GLT1D1: variants seen among roughly 807,000 people sequenced by gnomAD.
The protein encoded by GLT1D1 is glycosyltransferase 1 domain-containing protein 1.
GLT1D1 carries 21 observed loss-of-function variants against 28.7 expected under a neutral mutation model. The observed-to-expected ratio is 0.73, with a 90% CI of 0.52 to 1.05. The LOEUF is 1.05. Among genes scored for constraint, GLT1D1 ranks in the 50% least tolerant of loss-of-function variants. The pLI, the probability that GLT1D1 is intolerant of heterozygous loss-of-function variation, is 0.00. For synonymous variants in GLT1D1, 147 were observed against 124.8 expected (o/e 1.18, Z -1.19); for missense variants, 343 against 330.6 (o/e 1.04, Z -0.29).
rs141792824 is a variant in GLT1D1, at chr12:128,935,692, C to T, written c.376-9634C>T. Among the ~76,000 whole-genome samples, 733 of 152,074 alleles carry T rather than the reference C, an allele frequency of 4.8e-3. 4 individuals are homozygous for T. Among genetic ancestry groups the T allele is most frequent in the African/African-American group, 0.017 (686 of 41,480 alleles). On this transcript the variant is annotated intron_variant, in intron 4 of 7. Transcript: ENST00000281703. The stretch of plus-strand genomic sequence containing the variant: ...TGTTTCTCAGGCTGGTCTGGAAGTC[C>T]CGGCCTCAAACAATCCTCCCACCTT...
intron 7 of GLT1D1, among the ~76,000 whole-genome samples, chr12:128,976,518 CTCG>C (rs1332025601): frequency 6.6e-6 from 1 of 152,214 alleles, no homozygotes; most frequent in African/African-American, 2.4e-5. Context: ...GAGACACTTC[CTCG>C]TCAACGTCTC....
chr12:128,927,835 A>C (rs1873391174), intron 4 of GLT1D1, among the ~76,000 whole-genome samples: 1 of 151,238 alleles, frequency 6.6e-6, no homozygotes, highest in African/African-American at 2.4e-5. Context: ...CCCCATCTCT[A>C]CTAAAAATAC....
rs542371598 is a variant in GLT1D1 at position 128,983,422 on chromosome 12, A to C, written c.*332A>C. The C allele has an allele frequency of 1.5e-4, 33 of 227,204 alleles. No individual in the cohort carries two copies. Among genetic ancestry groups the C allele is most frequent in the African/African-American group, 6.7e-4 (30 of 44,968 alleles). 14.1% of individuals were successfully genotyped at this position (227,204 alleles called of 1,614,324 possible). A position where few individuals can be genotyped will look rare whatever the true frequency, so the allele number is the denominator to read the frequency against. On this transcript the variant is annotated 3_prime_UTR_variant, in exon 8 of 8. Coordinates refer to ENST00000281703, the MANE Select transcript of GLT1D1 (RefSeq NM_144669.3). The surrounding 1 kb of genome is among the most constrained non-coding windows in gnomAD (Gnocchi z 4.7). The stretch of plus-strand genomic sequence containing the variant: ...CTTAGGGCTTTGGTGTGGACAATAG[A>C]GGCTTATTTTCAAGCAGTCATGGTT...
intron 6 of GLT1D1, among the ~76,000 whole-genome samples, chr12:128,948,154 GCAA>G (rs1876320204): frequency 2.0e-5 from 3 of 152,054 alleles, no homozygotes; most frequent in Non-Finnish European, 4.4e-5. Context: ...AAAGATCCTG[GCAA>G]TCCTCGCATT....
intron 4 of GLT1D1, 26 bp from the exon 6 acceptor site, chr12:128,914,907 G>T: frequency 6.6e-7 from 1 of 1,524,702 alleles, no homozygotes; most frequent in Non-Finnish European, 8.8e-7. Context: ...AAGTGAACTT[G>T]CCCTTTTTTT....
rs56655033 is a variant in GLT1D1 at position 128,854,394 on chromosome 12, C to CGTGTGTGTGT, written c.68+780_68+789dup. Among the ~76,000 whole-genome samples, 306 of 143,948 alleles carry CGTGTGTGTGT rather than the reference C, an allele frequency of 2.1e-3. 1 individual carries two copies. The highest frequency in any genetic ancestry group is 8.7e-3 in the East Asian group (41 of 4,720). 94.4% of individuals were successfully genotyped at this position (143,948 alleles called of 152,430 possible). On this transcript the variant is annotated intron_variant, in intron 1 of 7. Transcript: ENST00000281703. ...TTAGAGCCTGCAGCTTAACAGAAGC[C>CGTGTGTGTGT]GTGTGTGTGTGTGTGTGTGTGTGTG... is the stretch of plus-strand genomic sequence containing the variant.
Position 128,875,930 on chromosome 12 carries a change from G to T in GLT1D1, c.85G>T (p.Ala29Ser), listed in dbSNP as rs865787701. 6.2e-7 allele frequency: 1 copy of T among 1,613,884 alleles called. No homozygotes were observed. Among genetic ancestry groups the T allele is most frequent in the South Asian group, 1.1e-5 (1 of 91,054 alleles). The change falls in exon 2 of 8, where the codon GCA becomes TCA. Residue 29 changes from alanine to serine, a missense_variant. Coordinates refer to ENST00000281703, the MANE Select transcript of GLT1D1 (RefSeq NM_144669.3). ...TTGATAAAGGGCCCATCTAGAGGCT[G>T]CAGGGCACGTGTGCGTTTTGAAGGA...
chr12:128,889,801 G>A (rs529509801), intron 3 of GLT1D1, among the ~76,000 whole-genome samples: 1 of 152,338 alleles, frequency 6.6e-6, no homozygotes, highest in South Asian at 2.1e-4. Flanking sequence ...TCCTGACAGA[G>A]TCTCATTCCG....
intron 2 of GLT1D1, among the ~76,000 whole-genome samples, chr12:128,881,366 A>C (rs1957037522): frequency 6.7e-6 from 1 of 148,856 alleles, no homozygotes; most frequent in Non-Finnish European, 1.5e-5. Context: ...CCCCGTCTCT[A>C]CTAAAAATAC....
intron 3 of GLT1D1, among the ~76,000 whole-genome samples, chr12:128,891,979 G>A (rs1382461960): frequency 6.6e-6 from 1 of 152,156 alleles, no homozygotes; most frequent in Non-Finnish European, 1.5e-5. Flanking sequence ...ATATGTAGGA[G>A]GTACACTGGT....
intron 7 of GLT1D1, among the ~76,000 whole-genome samples, chr12:128,976,381 TAGAG>T (rs1350628262): frequency 6.6e-6 from 1 of 152,116 alleles, no homozygotes; most frequent in Non-Finnish European, 1.5e-5. Context: ...CAAGCTCCCT[TAGAG>T]AGTCTTACAG....
At chr12:128,946,064 T>C (rs1345506770) in intron 5 of GLT1D1, among the ~76,000 whole-genome samples, 1 of 152,174 alleles carries the variant, frequency 6.6e-6, no homozygotes, top group East Asian at 1.9e-4. Flanking sequence ...TGACAAAGAC[T>C]GTTTTTTCCC....
chr12:128,957,766 G>A (rs1877451758), intron 7 of GLT1D1, 123 bp downstream of exon 11: 1 of 649,600 alleles, frequency 1.5e-6, no homozygotes, highest in South Asian at 1.7e-5. Context: ...CCTGCGGAGA[G>A]CATGCTGTCT....
At position 128,938,787 on chromosome 12, in the gene GLT1D1, C is replaced by T. The variant is rs549227526; in HGVS notation, c.376-6539C>T. Among the ~76,000 whole-genome samples, 5 of 152,252 alleles carry T rather than the reference C, an allele frequency of 3.3e-5. No individual in the cohort carries two copies. In the South Asian group the frequency reaches 1.0e-3, roughly 32 times the overall value. ...TAGCAAAATGTGTTTAGACCCTCTG[C>T]CTGTATCTTTGAATAAATGCTTAGA... On this transcript the variant is annotated intron_variant, in intron 4 of 7. Transcript: ENST00000281703.
At chr12:128,959,107 G>GC (rs1877625700) in intron 7 of GLT1D1, among the ~76,000 whole-genome samples, 2 of 151,666 alleles carry the variant, frequency 1.3e-5, no homozygotes, top group Non-Finnish European at 2.9e-5. Flanking sequence ...GAAGTACTGG[G>GC]ATTACAGGCA....
At chr12:128,959,412 G>GGA (rs200314320) in intron 7 of GLT1D1, among the ~76,000 whole-genome samples, 1 of 17,680 alleles carries the variant, frequency 5.7e-5, no homozygotes, top group African/African-American at 3.2e-4. Flanking sequence ...ATGAGGCAGT[G>GGA]GGGGGGGACG....
Position 128,938,287 on chromosome 12 carries a change from G to A in GLT1D1, c.376-7039G>A, listed in dbSNP as rs116009665. 6.5e-3 allele frequency among the ~76,000 whole-genome samples: 989 copies of A among 152,300 alleles called. 11 individuals carry two copies. Among genetic ancestry groups the A allele is most frequent in the African/African-American group, 0.023 (937 of 41,550 alleles). On this transcript the variant is annotated intron_variant, in intron 4 of 7. Coordinates refer to ENST00000281703, the MANE Select transcript of GLT1D1 (RefSeq NM_144669.3). ...TATGTTCTGCACAGAGTAGGTGGCC[G>A]AGAAGTATTAACTATTAATGGCAAC... is the stretch of plus-strand genomic sequence containing the variant.
At chr12:128,933,373 T>C (rs913130008) in intron 4 of GLT1D1, among the ~76,000 whole-genome samples, 2 of 152,272 alleles carry the variant, frequency 1.3e-5, no homozygotes, top group Admixed American at 1.3e-4. Flanking sequence ...ACAAGCTCTA[T>C]TGAACAATAC....
At chr12:128,924,353 G>A (rs1410209878) in intron 4 of GLT1D1, among the ~76,000 whole-genome samples, 1 of 151,684 alleles carries the variant, frequency 6.6e-6, no homozygotes, top group Non-Finnish European at 1.5e-5. Context: ...CTTGAACCGG[G>A]GAGGTGGAGG....
Sources: allele counts gnomAD v4.1 joint callset (sites outside exome capture counted in the v4.1 genomes callset), GRCh38; gene constraint gnomAD v4.1.1; non-coding constraint Gnocchi (gnomAD v3.1); transcripts MANE v1.5; gene names NCBI Gene and HGNC (gene_info 2026-07-23, HGNC 2026-07-21).